The following NXPE2 variants were observed in gnomAD, a reference collection of about 807,000 sequenced individuals.
The protein encoded by NXPE2 is NXPE family member 2.
NXPE2 carries 34 observed loss-of-function variants against 34.4 expected under a neutral mutation model. The ratio of observed to expected loss-of-function variants is 0.99; its 90% CI spans 0.75 to 1.31. The LOEUF (loss-of-function observed/expected upper bound fraction) is 1.31. NXPE2 is among the 40% of genes most tolerant of loss of function. The pLI is 0.00. For synonymous variants in NXPE2, 235 were observed against 231.3 expected (o/e 1.02, Z -0.15); for missense variants, 649 against 672.5 (o/e 0.97, Z 0.39).
At chr11:114,551,270 T>A in the NXPE2 span, 1 of 1,313,426 alleles carries the variant, frequency 7.6e-7, no homozygotes, top group Non-Finnish European at 1.0e-6. Flanking sequence ...TACTCACTCA[T>A]TATTTTATTT....
the NXPE2 span, among the ~76,000 whole-genome samples, chr11:114,776,413 C>A: frequency 1.2e-4 from 19 of 152,240 alleles, no homozygotes; most frequent in Non-Finnish European, 2.5e-4. Flanking sequence ...CCTTGCCTTG[C>A]GTGAAGCGCA....
the NXPE2 span, among the ~76,000 whole-genome samples, chr11:114,617,475 CA>C: frequency 7.4e-6 from 1 of 134,992 alleles, no homozygotes; most frequent in South Asian, 2.4e-4. Context: ...TGCTGGATAT[CA>C]AATGTTGCCT....
At chr11:114,692,663 A>C (rs914381361) in intron 2 of NXPE2, among the ~76,000 whole-genome samples, 8 of 152,208 alleles carry the variant, frequency 5.3e-5, no homozygotes, top group African/African-American at 1.7e-4. Flanking sequence ...TCTCACGCTC[A>C]GTCAGTTCCT....
At chr11:114,640,780 T>G in the NXPE2 span, among the ~76,000 whole-genome samples, 1 of 152,046 alleles carries the variant, frequency 6.6e-6, no homozygotes, top group Non-Finnish European at 1.5e-5. Flanking sequence ...TCCATGTAAT[T>G]TACTCACTTT....
chr11:114,777,966 G>T, the NXPE2 span, among the ~76,000 whole-genome samples: 1 of 152,200 alleles, frequency 6.6e-6, no homozygotes, highest in Non-Finnish European at 1.5e-5. Flanking sequence ...CTTTTACCTG[G>T]CTTACAGTCC....
the NXPE2 span, among the ~76,000 whole-genome samples, chr11:114,472,404 C>CA: frequency 6.6e-6 from 1 of 151,792 alleles, no homozygotes; most frequent in Non-Finnish European, 1.5e-5. Context: ...AAAAAAATCA[C>CA]AAAAAAATCT....
At chr11:114,776,775 G>A in the NXPE2 span, among the ~76,000 whole-genome samples, 6 of 152,146 alleles carry the variant, frequency 3.9e-5, no homozygotes, top group South Asian at 2.1e-4. Context: ...TGTCTGCCCC[G>A]ATTATGCATA....
the NXPE2 span, among the ~76,000 whole-genome samples, chr11:114,483,386 G>T: frequency 6.6e-6 from 1 of 152,156 alleles, no homozygotes; most frequent in African/African-American, 2.4e-5. Context: ...TCACTTATTT[G>T]CTGTCTAATC....
At chr11:114,758,097 G>A in the NXPE2 span, among the ~76,000 whole-genome samples, 1 of 152,158 alleles carries the variant, frequency 6.6e-6, no homozygotes, top group African/African-American at 2.4e-5. Flanking sequence ...TGAATTCTAT[G>A]GAGAAATGGA....
chr11:114,707,398 AT>A, downstream of NXPE2: 2 of 415,122 alleles, frequency 4.8e-6, no homozygotes, highest in South Asian at 1.7e-5. Context: ...GCCCGGCATT[AT>A]TTTATTTTAT....
the NXPE2 span, among the ~76,000 whole-genome samples, chr11:114,541,538 C>A: frequency 8.7e-4 from 133 of 152,230 alleles, no homozygotes; most frequent in African/African-American, 3.0e-3. Context: ...GTCAGGAGGT[C>A]CTGAGAACAT....
the NXPE2 span, among the ~76,000 whole-genome samples, chr11:114,717,880 A>G: frequency 6.6e-6 from 1 of 152,162 alleles, no homozygotes; most frequent in Non-Finnish European, 1.5e-5. Context: ...GAAAAGTTTG[A>G]GGTCTGAGAG....
At chr11:114,682,557 G>T (rs1199412966) in intron 2 of NXPE2, among the ~76,000 whole-genome samples, 1 of 152,150 alleles carries the variant, frequency 6.6e-6, no homozygotes, top group South Asian at 2.1e-4. Context: ...AGAAGTCAAA[G>T]CCCTGTAGCT....
chr11:114,635,180 G>A, the NXPE2 span, among the ~76,000 whole-genome samples: 355 of 149,816 alleles, frequency 2.4e-3, 1 homozygote, highest in African/African-American at 7.8e-3. Flanking sequence ...GTTCCTTCAC[G>A]TCCCTTGTAA....
At chr11:114,631,209 A>G in the NXPE2 span, among the ~76,000 whole-genome samples, 388 of 152,112 alleles carry the variant, frequency 2.6e-3, 2 homozygotes, top group Non-Finnish European at 4.4e-3. Flanking sequence ...TGCTGCTATA[A>G]AGACACATGC....
chr11:114,557,665 AT>A, the NXPE2 span, among the ~76,000 whole-genome samples: 107 of 106,906 alleles, frequency 1.0e-3, no homozygotes, highest in Admixed American at 1.4e-3. Flanking sequence ...ATATATATAT[AT>A]ATATATAAAA....
the NXPE2 span, among the ~76,000 whole-genome samples, chr11:114,566,225 A>G: frequency 5.3e-5 from 8 of 151,726 alleles, no homozygotes; most frequent in East Asian, 1.5e-3. Flanking sequence ...CATCGATAGT[A>G]TTTAAGCCAG....
the NXPE2 span, among the ~76,000 whole-genome samples, chr11:114,786,818 G>C: frequency 2.2e-3 from 333 of 151,758 alleles, 1 homozygote; most frequent in South Asian, 4.0e-3. Context: ...GTTGGGAAGA[G>C]CCCCCCCATG....
chr11:114,561,726 C>T, the NXPE2 span, among the ~76,000 whole-genome samples: 1 of 152,110 alleles, frequency 6.6e-6, no homozygotes, highest in Non-Finnish European at 1.5e-5. Context: ...GCATTTTTCT[C>T]TTCATCCTTG....
Sources: allele counts gnomAD v4.1 joint callset (sites outside exome capture counted in the v4.1 genomes callset), GRCh38; gene constraint gnomAD v4.1.1; transcripts MANE v1.5; gene names NCBI Gene and HGNC (gene_info 2026-07-23, HGNC 2026-07-21).